The following NDUFAF2 variants were observed in gnomAD, a reference collection of about 807,000 sequenced individuals.
NDUFAF2 encodes the protein NADH dehydrogenase [ubiquinone] 1 alpha subcomplex assembly factor 2.
A neutral mutation model predicts 22.8 loss-of-function variants in NDUFAF2; 13 were observed. That is an observed-to-expected ratio of 0.57 (90% CI 0.37 to 0.91). The LOEUF is 0.91. Ranked by LOEUF, NDUFAF2 falls within the 40% of genes least tolerant of loss-of-function variation. The probability of loss-of-function intolerance (pLI) is 0.01; values close to 1 mark genes in which losing one functional copy is unlikely to be tolerated. For synonymous variants in NDUFAF2, 53 were observed against 64.2 expected, an observed-to-expected ratio of 0.83 and a Z score of 0.84; for missense variants, 162 against 195.2, an observed-to-expected ratio of 0.83 and a Z score of 1.01.
chr5:61,090,865 G>A (rs1752558423), intron 2 of NDUFAF2, among the ~76,000 whole-genome samples: 1 of 151,930 alleles, frequency 6.6e-6, no homozygotes, highest in African/African-American at 2.4e-5. Context: ...ATAGGCTTCA[G>A]TGTGTGTTGT....
chr5:61,068,669 A>G (rs945347890), intron 1 of NDUFAF2, among the ~76,000 whole-genome samples: 1 of 152,058 alleles, frequency 6.6e-6, no homozygotes, highest in Non-Finnish European at 1.5e-5. Flanking sequence ...AGTTTTAATG[A>G]ATCTATTATT....
rs192014631 is a variant in NDUFAF2, at chr5:61,051,702, C to G, written c.128-21423C>G. 5.5e-4 allele frequency among the ~76,000 whole-genome samples: 83 copies of G among 151,846 alleles called. 1 individual carries two copies. The highest frequency in any genetic ancestry group is 5.2e-3 in the Admixed American group (79 of 15,278). On this transcript the variant is annotated intron_variant, in intron 1 of 3. Transcript: ENST00000296597. ...TAGGGATGGTGTTAGAATTGTGGTA[C>G]AATAAAACTATTATAAGATCATTCT...
intron 1 of NDUFAF2, among the ~76,000 whole-genome samples, chr5:61,002,064 C>T (rs1044621713): frequency 1.3e-4 from 20 of 151,854 alleles, no homozygotes; most frequent in African/African-American, 2.7e-4. Context: ...CAAGAGATGA[C>T]GATGAGAGCA....
intron 1 of NDUFAF2, among the ~76,000 whole-genome samples, chr5:60,983,513 C>G (rs1411909182): frequency 2.7e-5 from 4 of 148,560 alleles, no homozygotes; most frequent in Admixed American, 6.8e-5. Flanking sequence ...AGGTTTTCTT[C>G]TGGGGTTTTT....
intron 3 of NDUFAF2, 142 bp downstream of exon 3, chr5:61,099,174 T>A (rs1023109153): frequency 3.0e-6 from 1 of 335,220 alleles, no homozygotes. Context: ...TATAATAAAT[T>A]AATATATAAA....
At chr5:61,007,801 G>A (rs1394990310) in intron 1 of NDUFAF2, among the ~76,000 whole-genome samples, 1 of 152,086 alleles carries the variant, frequency 6.6e-6, no homozygotes, top group African/African-American at 2.4e-5. Context: ...CCCATTACTG[G>A]GTATATACCC....
At chr5:61,077,172 T>C (rs1205435344) in intron 2 of NDUFAF2, among the ~76,000 whole-genome samples, 2 of 152,150 alleles carry the variant, frequency 1.3e-5, no homozygotes, top group East Asian at 1.9e-4. Flanking sequence ...TTGGGAGTTG[T>C]CAGCAAATAA....
intron 3 of NDUFAF2, among the ~76,000 whole-genome samples, chr5:61,136,848 C>A (rs1332514700): frequency 3.9e-5 from 6 of 152,148 alleles, no homozygotes; most frequent in African/African-American, 9.7e-5. Flanking sequence ...ACCAATTTCT[C>A]ACTAAGGCTC....
At chr5:61,073,924 A>C (rs541960198) in intron 2 of NDUFAF2, among the ~76,000 whole-genome samples, 1 of 152,356 alleles carries the variant, frequency 6.6e-6, no homozygotes, top group East Asian at 1.9e-4. Context: ...TGATTTACTG[A>C]GAAGAAAACG....
intron 3 of NDUFAF2, among the ~76,000 whole-genome samples, chr5:61,105,402 A>G (rs1752749998): frequency 6.6e-6 from 1 of 151,296 alleles, no homozygotes; most frequent in African/African-American, 2.5e-5. Flanking sequence ...CTGATGACTT[A>G]AATTGCAAAG....
intron 2 of NDUFAF2, among the ~76,000 whole-genome samples, chr5:61,078,324 A>G (rs1300091827): frequency 6.6e-6 from 1 of 152,178 alleles, no homozygotes; most frequent in Non-Finnish European, 1.5e-5. Flanking sequence ...TTTCAAACTG[A>G]AAGTATGTTA....
intron 1 of NDUFAF2, among the ~76,000 whole-genome samples, chr5:60,992,865 GT>G (rs1751178890): frequency 6.6e-6 from 1 of 152,150 alleles, no homozygotes; most frequent in African/African-American, 2.4e-5. Context: ...GTCCTGTAAG[GT>G]TTTCACTGAA....
chr5:61,095,027 G>T (rs1372396175), intron 2 of NDUFAF2, among the ~76,000 whole-genome samples: 4 of 152,096 alleles, frequency 2.6e-5, no homozygotes, highest in African/African-American at 9.7e-5. Flanking sequence ...TTCCACCCCT[G>T]GTCAACTTGG....
chr5:61,056,761 G>T (rs930593361), intron 1 of NDUFAF2, among the ~76,000 whole-genome samples: 1 of 150,340 alleles, frequency 6.7e-6, no homozygotes, highest in African/African-American at 2.5e-5. Context: ...GGTGGCGCGT[G>T]CCTGTAATCC....
At position 61,040,176 on chromosome 5, in the gene NDUFAF2, C is replaced by T. The variant is rs145021160; in HGVS notation, c.128-32949C>T. Reference sequence around the variant, plus strand: ...TTTGGAAGTAGGGTGTTTGTCTATACAGTTAAGTTAAGATGGGATCAGATT... The same window carrying T: ...TTTGGAAGTAGGGTGTTTGTCTATATAGTTAAGTTAAGATGGGATCAGATT... On this transcript the variant is annotated intron_variant, in intron 1 of 3. Coordinates refer to ENST00000296597, the MANE Select transcript of NDUFAF2 (RefSeq NM_174889.5). 2.4e-3 allele frequency among the ~76,000 whole-genome samples: 364 copies of T among 150,500 alleles called. 3 individuals carry two copies. The highest frequency in any genetic ancestry group is 6.5e-3 in the African/African-American group (268 of 41,136).
chr5:61,016,702 C>T (rs1751515705), intron 1 of NDUFAF2, among the ~76,000 whole-genome samples: 2 of 152,100 alleles, frequency 1.3e-5, no homozygotes, highest in South Asian at 4.2e-4. Context: ...CCTGAGGATC[C>T]CAGATCAAGT....
chr5:61,042,051 G>A (rs1330799589), intron 1 of NDUFAF2, among the ~76,000 whole-genome samples: 5 of 152,192 alleles, frequency 3.3e-5, no homozygotes, highest in South Asian at 2.1e-4. Flanking sequence ...TCACTAATAC[G>A]CTAGAGTCTT....
At chr5:60,993,209 C>A (rs142692510) in intron 1 of NDUFAF2, among the ~76,000 whole-genome samples, 5 of 152,234 alleles carry the variant, frequency 3.3e-5, no homozygotes, top group African/African-American at 1.2e-4. Flanking sequence ...GCAGCTAGAC[C>A]ACACTGCAGG....
chr5:60,997,995 C>T (rs1751249642), intron 1 of NDUFAF2, among the ~76,000 whole-genome samples: 1 of 152,132 alleles, frequency 6.6e-6, no homozygotes, highest in Admixed American at 6.5e-5. Flanking sequence ...CAACCTATGT[C>T]TTTTCTTTTA....
Sources: allele counts gnomAD v4.1 joint callset (sites outside exome capture counted in the v4.1 genomes callset), GRCh38; gene constraint gnomAD v4.1.1; transcripts MANE v1.5; gene names NCBI Gene and HGNC (gene_info 2026-07-23, HGNC 2026-07-21).